CTDNEP1: variants seen among roughly 807,000 people sequenced by gnomAD.
The protein encoded by CTDNEP1 is C-terminal domain nuclear envelope phosphatase 1.
In CTDNEP1, 3 loss-of-function variants were observed where a neutral mutation model predicts 30.1. That is an observed-to-expected ratio of 0.10 (90% CI 0.05 to 0.26). The LOEUF (loss-of-function observed/expected upper bound fraction) is 0.26, where lower values mean the gene tolerates loss of function less well. Among genes scored for constraint, CTDNEP1 ranks in the 10% least tolerant of loss-of-function variants. The pLI is 1.00. For missense variants in CTDNEP1, 158 were observed against 310.4 expected (o/e 0.51, Z 3.69); for synonymous variants, 123 against 118.8 (o/e 1.04, Z -0.23).
chr17:7,244,420 G>A (rs543834653), intron 7 of CTDNEP1, 131 bp downstream of exon 7: 8 of 1,193,262 alleles, frequency 6.7e-6, no homozygotes, highest in South Asian at 3.8e-5. Flanking sequence ...GAAGTAAGAC[G>A]ACCTGGGTCC....
chr17:7,246,178 T>C lies in CTDNEP1; in HGVS notation c.478-41A>G, dbSNP rs2071834556. The C allele has an allele frequency of 1.3e-6, 2 of 1,588,640 alleles. No homozygotes were observed. Among genetic ancestry groups the C allele is most frequent in the Admixed American group, 1.7e-5 (1 of 59,958 alleles). ...TCATGTAGCAGGCCTCTCTCCAGGA[T>C]ACTCTCCTCAAACCCAGATCCCTCC... On this transcript the variant is annotated intron_variant, in intron 5 of 7. Coordinates refer to ENST00000574322, the MANE Select transcript of CTDNEP1 (RefSeq NM_001143775.2). The surrounding 1 kb of genome is among the most constrained non-coding windows in gnomAD (Gnocchi z 4.9).
At position 7,251,320 on chromosome 17, in the gene CTDNEP1, C is replaced by T; in HGVS notation, c.-24G>A. ...ATCCCGATGACCCCGGCACCGCCGG[C>T]CCCGGGGCCCCCGCGGCCCAGCTCC... On this transcript the variant is annotated 5_prime_UTR_variant, in exon 1 of 8. Transcript: ENST00000574322. 1 of 1,465,122 alleles carries T rather than the reference C, an allele frequency of 6.8e-7. No homozygotes were observed. The highest frequency in any genetic ancestry group is 9.1e-7 in the Non-Finnish European group (1 of 1,102,026). The allele number at this position is 1,465,122 out of a possible 1,614,324, so 90.8% of individuals were successfully genotyped here.
Position 7,246,270 on chromosome 17 carries a change from CTCT to C in CTDNEP1, c.458_460del (p.Lys153del). On this transcript the variant is annotated inframe_deletion, in exon 5 of 8. Coordinates refer to ENST00000574322, the MANE Select transcript of CTDNEP1 (RefSeq NM_001143775.2). The surrounding 1 kb of genome is among the most constrained non-coding windows in gnomAD (Gnocchi z 4.9). ...CTAGCTTACCTGTCTGTAATATCTC[CTCT>C]TAAGAATGCTTCTGCTATTGTCCAG... 1 of 1,612,962 alleles carries C rather than the reference CTCT, an allele frequency of 6.2e-7. No homozygotes were observed.
At chr17:7,244,757 C>T in intron 6 of CTDNEP1, 122 bp from the exon 7 acceptor site, 1 of 743,662 alleles carries the variant, frequency 1.3e-6, no homozygotes, top group East Asian at 2.8e-5. Flanking sequence ...CGGAAGTCAA[C>T]AACCTAAGTA....
intron 7 of CTDNEP1, 52 bp from the exon 8 acceptor site, chr17:7,244,297 A>C (rs1180477920): frequency 6.3e-7 from 1 of 1,578,390 alleles, no homozygotes. Context: ...TCATACCCTC[A>C]CAACACTCTT....
In CTDNEP1 at chr17:7,246,487, G is replaced by T; in HGVS notation, c.361-117C>A. 1 of 779,390 alleles carries T rather than the reference G, an allele frequency of 1.3e-6. No homozygotes were observed. The highest frequency in any genetic ancestry group is 2.2e-6 in the Non-Finnish European group (1 of 464,978). 48.3% of individuals were successfully genotyped at this position (779,390 alleles called of 1,614,324 possible). Reference sequence around the variant, plus strand: ...TTCAGGCCTTCCATCAACATCAAATGTCTCTGAGGACACGAAATTCTGAAC... The same window carrying T: ...TTCAGGCCTTCCATCAACATCAAATTTCTCTGAGGACACGAAATTCTGAAC... On this transcript the variant is annotated intron_variant, in intron 4 of 7. Transcript: ENST00000574322. The surrounding 1 kb of genome is among the most constrained non-coding windows in gnomAD (Gnocchi z 4.9).
chr17:7,244,467 G>A (rs904072452), intron 7 of CTDNEP1, 84 bp downstream of exon 7: 1 of 1,384,886 alleles, frequency 7.2e-7, no homozygotes, highest in Non-Finnish European at 1.0e-6. Flanking sequence ...GTTAAAACAG[G>A]ACAAACCTTT....
Position 7,246,391 on chromosome 17 carries a change from G to C in CTDNEP1, c.361-21C>G. The C allele has an allele frequency of 6.5e-7, 1 of 1,535,934 alleles. No individual in the cohort carries two copies. Among genetic ancestry groups the C allele is most frequent in the Non-Finnish European group, 9.0e-7 (1 of 1,110,218 alleles). On this transcript the variant is annotated intron_variant, in intron 4 of 7. Coordinates refer to ENST00000574322, the MANE Select transcript of CTDNEP1 (RefSeq NM_001143775.2). The surrounding 1 kb of genome is among the most constrained non-coding windows in gnomAD (Gnocchi z 4.9). ...CTCACCTGAAATAGATTGGGGGAGA[G>C]GGCGATGCCATACAAGGTGATGATT...
In CTDNEP1 at chr17:7,246,879, T is replaced by C; in HGVS notation, c.289-17A>G. ...TATTACCACCTACAGAGGAACAAGA[T>C]GGGCTGGGGGATGTCATGACCACCA... is the stretch of plus-strand genomic sequence containing the variant. On this transcript the variant is annotated splice_polypyrimidine_tract_variant and intron_variant, in intron 3 of 7. Transcript: ENST00000574322. The surrounding 1 kb of genome is among the most constrained non-coding windows in gnomAD (Gnocchi z 4.9). 1 of 1,611,230 alleles carries C rather than the reference T, an allele frequency of 6.2e-7. No homozygotes were observed. The highest frequency in any genetic ancestry group is 1.1e-5 in the South Asian group (1 of 91,016).
rs2071846131 is a variant in CTDNEP1 at position 7,246,952 on chromosome 17, G to A, written c.289-90C>T. 6 of 1,420,982 alleles carry A rather than the reference G, an allele frequency of 4.2e-6. No homozygotes were observed. The South Asian group carries it at 7.0e-5, about 17-fold the overall frequency. The allele number at this position is 1,420,982 out of a possible 1,614,324, so 88.0% of individuals were successfully genotyped here. A position where few individuals can be genotyped will look rare whatever the true frequency, so the allele number is the denominator to read the frequency against. On this transcript the variant is annotated intron_variant, in intron 3 of 7. Coordinates refer to ENST00000574322, the MANE Select transcript of CTDNEP1 (RefSeq NM_001143775.2). The surrounding 1 kb of genome is among the most constrained non-coding windows in gnomAD (Gnocchi z 4.9). Reference sequence around the variant, plus strand: ...CCACCCATCTGCTTCCCTCCTCCAGGCTGACACTGGTGCCAGCGGATGGAG... The same window carrying A: ...CCACCCATCTGCTTCCCTCCTCCAGACTGACACTGGTGCCAGCGGATGGAG...
At position 7,244,264 on chromosome 17, in the gene CTDNEP1, G is replaced by A. The variant is rs1385082136; in HGVS notation, c.675-19C>T. On this transcript the variant is annotated intron_variant, in intron 7 of 7. Coordinates refer to ENST00000574322, the MANE Select transcript of CTDNEP1 (RefSeq NM_001143775.2). The stretch of plus-strand genomic sequence containing the variant: ...GGTGAACCTGGGGTGACAATAACTT[G>A]CATTGGTAGAGTACCTTATAGTTCA... 1 of 1,613,544 alleles carries A rather than the reference G, an allele frequency of 6.2e-7. No homozygotes were observed. Among genetic ancestry groups the A allele is most frequent in the Non-Finnish European group, 8.5e-7 (1 of 1,179,608 alleles).
chr17:7,248,838 A>T lies in CTDNEP1; in HGVS notation c.103-1495T>A, dbSNP rs149719645. Among the ~76,000 whole-genome samples the T allele has an allele frequency of 2.4e-4, 36 of 152,308 alleles. No homozygotes were observed. The East Asian group carries it at 6.9e-3, about 29-fold the overall frequency. ...GGAGATCCCTGGGTCCTTAATGGGA[A>T]TATAGAATGAGGGAATCCAGAGGTT... On this transcript the variant is annotated intron_variant, in intron 1 of 7. Coordinates refer to ENST00000574322, the MANE Select transcript of CTDNEP1 (RefSeq NM_001143775.2).
intron 1 of CTDNEP1, among the ~76,000 whole-genome samples, chr17:7,250,662 G>A (rs1424894559): frequency 6.6e-6 from 1 of 152,154 alleles, no homozygotes; most frequent in Non-Finnish European, 1.5e-5. Flanking sequence ...CCTTTTTGGA[G>A]GAATTCTCTT....
Position 7,247,287 on chromosome 17 carries a change from C to G in CTDNEP1, c.159G>C (p.Arg53=). The change falls in exon 2 of 8, where the codon CGG becomes CGC. Residue 53 remains arginine (R), a synonymous_variant. Transcript: ENST00000574322. The part of the protein sequence containing the change: ...YDILPLSPVS[R]NRLAQVKRKI... The stretch of plus-strand genomic sequence containing the variant: ...CCACCACATACTTACCTAGCCGATT[C>G]CGGGACACAGGAGATAAGGGGAGGA... The G allele has an allele frequency of 6.2e-7, 1 of 1,613,968 alleles. No individual in the cohort carries two copies. Among genetic ancestry groups the G allele is most frequent in the Non-Finnish European group, 8.5e-7 (1 of 1,179,968 alleles).
In CTDNEP1 at chr17:7,246,742, T is replaced by G; in HGVS notation, c.360+49A>C. On this transcript the variant is annotated intron_variant, in intron 4 of 7. Transcript: ENST00000574322. This position sits in a 1 kb window ranked among gnomAD's most constrained non-coding sequence, Gnocchi z 4.9. The stretch of plus-strand genomic sequence containing the variant: ...CAAATCCTCCCAATTCCCAGAGCCC[T>G]AAAACCATTCCTTCATTACAGAGCT... 6.6e-7 allele frequency: 1 copy of G among 1,526,214 alleles called. No individual in the cohort carries two copies. Among genetic ancestry groups the G allele is most frequent in the African/African-American group, 1.4e-5 (1 of 72,950 alleles). The allele number at this position is 1,526,214 out of a possible 1,614,324, so 94.5% of individuals were successfully genotyped here.
Position 7,247,439 on chromosome 17 carries a change from C to T in CTDNEP1, c.103-96G>A, listed in dbSNP as rs539932426. ...ACATAATGAACATTTACCACAGGTA[C>T]TATGTATGTAATTTAGGCTTATTTC... On this transcript the variant is annotated intron_variant, in intron 1 of 7. Coordinates refer to ENST00000574322, the MANE Select transcript of CTDNEP1 (RefSeq NM_001143775.2). The T allele has an allele frequency of 3.7e-5, 32 of 853,592 alleles. No homozygotes were observed. The South Asian group carries it at 4.3e-4, about 12-fold the overall frequency. The allele number at this position is 853,592 out of a possible 1,614,324, so 52.9% of individuals were successfully genotyped here. A position where few individuals can be genotyped will look rare whatever the true frequency, so the allele number is the denominator to read the frequency against.
chr17:7,245,826 G>T (rs1361526059), intron 6 of CTDNEP1, among the ~76,000 whole-genome samples, 200 bp downstream of exon 6: 1 of 152,056 alleles, frequency 6.6e-6, no homozygotes, highest in East Asian at 1.9e-4. Context: ...TGAAAAAAAT[G>T]ATATAAGAAA....
At chr17:7,244,464 C>T (rs1455479845) in intron 7 of CTDNEP1, 87 bp downstream of exon 7, 4 of 1,360,674 alleles carry the variant, frequency 2.9e-6, no homozygotes, top group Non-Finnish European at 4.2e-6. Flanking sequence ...AGAGTTAAAA[C>T]AGGACAAACC....
At position 7,248,259 on chromosome 17, in the gene CTDNEP1, CAAAAAAAAAAAA is replaced by C. The variant is rs755835552; in HGVS notation, c.103-928_103-917del. Among the ~76,000 whole-genome samples, 51 of 15,404 alleles carry C rather than the reference CAAAAAAAAAAAA, an allele frequency of 3.3e-3. 1 individual carries two copies. The highest frequency in any genetic ancestry group is 0.012 in the South Asian group (2 of 166). The allele number at this position is 15,404 out of a possible 152,430, so 10.1% of individuals were successfully genotyped here. A position where few individuals can be genotyped will look rare whatever the true frequency, so the allele number is the denominator to read the frequency against. ...CTGGTGACAGAGCAAGACTCCGTCG[CAAAAAAAAAAAA>C]AAAAAAAAAAAAAAAAGTAGAATCA... On this transcript the variant is annotated intron_variant, in intron 1 of 7. Transcript: ENST00000574322.
Sources: allele counts gnomAD v4.1 joint callset (sites outside exome capture counted in the v4.1 genomes callset), GRCh38; gene constraint gnomAD v4.1.1; non-coding constraint Gnocchi (gnomAD v3.1); transcripts MANE v1.5; gene names NCBI Gene and HGNC (gene_info 2026-07-23, HGNC 2026-07-21).